CHRNA3: variants seen among roughly 807,000 people sequenced by gnomAD.
CHRNA3 encodes cholinergic receptor nicotinic alpha 3 subunit.
Under a neutral mutation model 41.9 loss-of-function variants are expected in CHRNA3, and 34 were observed. The observed-to-expected ratio is 0.81, with a 90% CI of 0.62 to 1.08. The LOEUF (loss-of-function observed/expected upper bound fraction) is 1.08, where lower values mean the gene tolerates loss of function less well. Ranked by LOEUF, CHRNA3 falls within the 50% of genes least tolerant of loss-of-function variation. The pLI is 0.00. For missense variants in CHRNA3, 542 were observed against 638.3 expected, an observed-to-expected ratio of 0.85 and a Z score of 1.63; for synonymous variants, 281 against 265.2, an observed-to-expected ratio of 1.06 and a Z score of -0.58.
intron 4 of CHRNA3, among the ~76,000 whole-genome samples, chr15:78,615,563 A>T (rs2053448542): frequency 6.6e-6 from 1 of 152,178 alleles, no homozygotes. Context: ...CACAGCCCCC[A>T]GGACAGCTTT....
intron 1 of CHRNA3, chr15:78,620,378 A>AGGGCGACGGGCAGCGCGGGGCT: frequency 6.1e-6 from 2 of 329,930 alleles, no homozygotes; most frequent in Non-Finnish European, 5.4e-6. Context: ...TGCGCGGGGC[A>AGGGCGACGGGCAGCGCGGGGCT]GGGCGACGGG....
At chr15:78,618,745 A>G (rs930183225) in intron 2 of CHRNA3, 31 bp downstream of exon 2, 13 of 1,614,166 alleles carry the variant, frequency 8.1e-6, no homozygotes, top group Admixed American at 1.7e-5. Flanking sequence ...CCCGGTCCCC[A>G]TGGCCACGGC....
In CHRNA3 at chr15:78,603,336, AAT is replaced by A. The variant is rs2053234763; in HGVS notation, c.378-1074_378-1073del. 5.3e-5 allele frequency among the ~76,000 whole-genome samples: 8 copies of A among 152,282 alleles called. No homozygotes were observed. In the South Asian group the frequency reaches 1.7e-3, roughly 32 times the overall value. ...CCTTAGACATGTACGTTTTTCTAGGAATAGTCTTGTTGGTTTGTTCGACAGAA... is the reference window on the plus strand; with the variant it reads ...CCTTAGACATGTACGTTTTTCTAGGAAGTCTTGTTGGTTTGTTCGACAGAA... On this transcript the variant is annotated intron_variant, in intron 4 of 5. Coordinates refer to ENST00000326828, the MANE Select transcript of CHRNA3 (RefSeq NM_000743.5).
intron 4 of CHRNA3, among the ~76,000 whole-genome samples, chr15:78,613,530 T>G (rs1596081581): frequency 8.3e-6 from 1 of 120,644 alleles, no homozygotes; most frequent in Non-Finnish European, 1.6e-5. Flanking sequence ...TGAGAACACA[T>G]GGACACAGGA....
intron 4 of CHRNA3, among the ~76,000 whole-genome samples, chr15:78,605,662 TGAG>T (rs2053272969): frequency 1.3e-5 from 2 of 152,168 alleles, no homozygotes; most frequent in South Asian, 2.1e-4. Flanking sequence ...CGTGGGCTCT[TGAG>T]GATGTCAGAA....
Position 78,617,080 on chromosome 15 carries a change from C to T in CHRNA3, c.321G>A (p.Glu107=). 1 of 1,613,960 alleles carries T rather than the reference C, an allele frequency of 6.2e-7. No individual in the cohort carries two copies. The highest frequency in any genetic ancestry group is 8.5e-7 in the Non-Finnish European group (1 of 1,179,944). The stretch of plus-strand genomic sequence containing the variant: ...TCTTCTGTGCAGGGACACGCATGAA[C>T]TCTGCCCCACCATAGTCAGAGGGGT... ...KWNPSDYGGA[E]FMRVPAQKIW... is the part of the protein sequence containing the mutation. Residue 107 remains glutamate, a synonymous_variant, in exon 4 of 6, where the codon GAG becomes GAA. Coordinates refer to ENST00000326828, the MANE Select transcript of CHRNA3 (RefSeq NM_000743.5).
chr15:78,618,092 C>G (rs2053492033), intron 3 of CHRNA3, among the ~76,000 whole-genome samples: 2 of 152,140 alleles, frequency 1.3e-5, no homozygotes, highest in Non-Finnish European at 2.9e-5. Flanking sequence ...ATAACAAATC[C>G]AAAAATTAGC....
chr15:78,618,889 G>A lies in CHRNA3; in HGVS notation c.109C>T (p.Arg37Cys), dbSNP rs78945897. 5 of 1,613,736 alleles carry A rather than the reference G, an allele frequency of 3.1e-6. No individual in the cohort carries two copies. Among genetic ancestry groups the A allele is most frequent in the Non-Finnish European group, 3.4e-6 (4 of 1,179,994 alleles). The change falls in exon 2 of 6, where the codon CGT becomes TGT. Residue 37 changes from arginine to cysteine, a missense_variant. Physicochemically the swap from Arg to Cys is radical, Grantham distance 180. Coordinates refer to ENST00000326828, the MANE Select transcript of CHRNA3 (RefSeq NM_000743.5). ...PVARASEAEH[R>C]LFERLFEDYN... ...TCTTCAAACAGCCGCTCAAATAGAC[G>A]GTGCTCAGCCTCTGAGGCCCTGGCC...
At position 78,601,360 on chromosome 15, in the gene CHRNA3, CAG is replaced by C; in HGVS notation, c.1280_1281del (p.Ser427CysfsTer2). ...GCAGAGAGGGACAGCACAGCATCAA[CAG>C]ATTCAGAACTAGAGCTTCTCGTGAG... ...ANLTRSSSSE[S>X]VDAVLSLSAL... On this transcript the variant is annotated frameshift_variant, in exon 5 of 6. Coordinates refer to ENST00000326828, the MANE Select transcript of CHRNA3 (RefSeq NM_000743.5). LOFTEE classifies it high-confidence loss of function. 1 of 1,614,206 alleles carries C rather than the reference CAG, an allele frequency of 6.2e-7. No homozygotes were observed. The highest frequency in any genetic ancestry group is 1.3e-5 in the African/African-American group (1 of 75,050).
intron 4 of CHRNA3, among the ~76,000 whole-genome samples, chr15:78,605,117 A>AT (rs2053263454): frequency 6.6e-6 from 1 of 152,174 alleles, no homozygotes; most frequent in South Asian, 2.1e-4. Context: ...TTAAAAAAAG[A>AT]AAAGGTAGTA....
Position 78,596,098 on chromosome 15 carries a change from T to C in CHRNA3, c.*506A>G. On this transcript the variant is annotated 3_prime_UTR_variant, in exon 6 of 6. Transcript: ENST00000326828. Reference sequence around the variant, plus strand: ...TATGCAAGAGAAGTAGTTGAAGCTCTCTGAAATGGAGGCATAGCCCTTTAG... The same window carrying C: ...TATGCAAGAGAAGTAGTTGAAGCTCCCTGAAATGGAGGCATAGCCCTTTAG... 1 of 985,352 alleles carries C rather than the reference T, an allele frequency of 1.0e-6. No individual in the cohort carries two copies. The highest frequency in any genetic ancestry group is 1.2e-6 in the Non-Finnish European group (1 of 829,858). 61.0% of individuals were successfully genotyped at this position (985,352 alleles called of 1,614,324 possible).
Position 78,601,293 on chromosome 15 carries a change from T to C in CHRNA3, c.1349A>G (p.Tyr450Cys), listed in dbSNP as rs1482017941. The C allele has an allele frequency of 4.3e-6, 7 of 1,614,218 alleles. No homozygotes were observed. In the Admixed American group the frequency reaches 6.7e-5, roughly 15 times the overall value. ...EIKEAIQSVK[Y>C]IAENMKAQNE... ...TTGTGCTTTCATATTTTCAGCAATA[T>C]ACTTGACACTTTGGATGGCTTCTTT... is the stretch of plus-strand genomic sequence containing the variant. Residue 450 changes from tyrosine to cysteine, a missense_variant, in exon 5 of 6, where the codon TAT becomes TGT. Physicochemically the swap from Tyr to Cys is radical, Grantham distance 194. Transcript: ENST00000326828.
Position 78,601,662 on chromosome 15 carries a change from T to C in CHRNA3, c.980A>G (p.Asn327Ser). The change falls in exon 5 of 6, where the codon AAC (asparagine) becomes AGC (serine). Residue 327 changes from asparagine (N) to serine (S), a missense_variant. Asn to Ser is a conservative substitution (Grantham distance 46, BLOSUM62 1). Transcript: ENST00000326828. ...LSIVITVFVL[N>S]VHYRTPTTHT... The stretch of plus-strand genomic sequence containing the variant: ...TGTCGTCGGGGTTCTGTAGTGCACG[T>C]TGAGCACGAAGACGGTGATGACGAT... 1.2e-6 allele frequency: 2 copies of C among 1,614,094 alleles called. No homozygotes were observed. Among genetic ancestry groups the C allele is most frequent in the Admixed American group, 3.3e-5 (2 of 60,004 alleles).
intron 5 of CHRNA3, among the ~76,000 whole-genome samples, chr15:78,597,672 C>T (rs1450130410): frequency 6.6e-6 from 1 of 151,920 alleles, no homozygotes; most frequent in Non-Finnish European, 1.5e-5. Flanking sequence ...AAAGCAAGAC[C>T]AATTGTATAT....
At chr15:78,597,811 G>T (rs2053136863) in intron 5 of CHRNA3, among the ~76,000 whole-genome samples, 1 of 152,184 alleles carries the variant, frequency 6.6e-6, no homozygotes, top group Admixed American at 6.5e-5. Context: ...AAGCAATAAT[G>T]AAATTAATAA....
chr15:78,601,948 T>C lies in CHRNA3; in HGVS notation c.694A>G (p.Thr232Ala). Reference sequence around the variant, plus strand: ...AGGCGCCGGATGTACAGCGAGTATGTGATGTCGGGGTAGATCTCCTCGCAG... The same window carrying C: ...AGGCGCCGGATGTACAGCGAGTATGCGATGTCGGGGTAGATCTCCTCGCAG... ...NCCEEIYPDI[T>A]YSLYIRRLPL... Residue 232 changes from threonine (T) to alanine (A), a missense_variant, in exon 5 of 6, where the codon ACA becomes GCA. Transcript: ENST00000326828. 6.2e-7 allele frequency: 1 copy of C among 1,613,520 alleles called. No individual in the cohort carries two copies. Among genetic ancestry groups the C allele is most frequent in the Non-Finnish European group, 8.5e-7 (1 of 1,179,604 alleles).
chr15:78,598,580 G>A (rs996516787), intron 5 of CHRNA3, among the ~76,000 whole-genome samples: 5 of 152,016 alleles, frequency 3.3e-5, no homozygotes, highest in African/African-American at 7.2e-5. Flanking sequence ...TTTTTGAGAC[G>A]CCCAGGCTGG....
rs1464554391 is a variant in CHRNA3, at chr15:78,596,528, G to A, written c.*76C>T. The A allele has an allele frequency of 1.5e-6, 2 of 1,364,806 alleles. No individual in the cohort carries two copies. The highest frequency in any genetic ancestry group is 2.9e-5 in the Admixed American group (1 of 35,060). 84.5% of individuals were successfully genotyped at this position (1,364,806 alleles called of 1,614,324 possible). On this transcript the variant is annotated 3_prime_UTR_variant, in exon 6 of 6. Coordinates refer to ENST00000326828, the MANE Select transcript of CHRNA3 (RefSeq NM_000743.5). ...AAAGCTGGTAGCTTGATAACAGAAA[G>A]TACGTTCTTACTAGGAAGCAGCCTC...
At position 78,601,790 on chromosome 15, in the gene CHRNA3, C is replaced by G. The variant is rs374074533; in HGVS notation, c.852G>C (p.Thr284=). 11 of 1,614,092 alleles carry G rather than the reference C, an allele frequency of 6.8e-6. No individual in the cohort carries two copies. Among genetic ancestry groups the G allele is most frequent in the African/African-American group, 2.7e-5 (2 of 75,022 alleles). Residue 284 remains threonine, a synonymous_variant, in exon 5 of 6, where the codon ACG becomes ACC. Coordinates refer to ENST00000326828, the MANE Select transcript of CHRNA3 (RefSeq NM_000743.5). ...TLCISVLLSL[T]VFLLVITETI... ...TCTCAGTGATCACCAGGAGAAACAC[C>G]GTCAGGGAGAGGAGGACAGAAATGC...
Sources: allele counts gnomAD v4.1 joint callset (sites outside exome capture counted in the v4.1 genomes callset), GRCh38; gene constraint gnomAD v4.1.1; transcripts MANE v1.5; gene names NCBI Gene and HGNC (gene_info 2026-07-23, HGNC 2026-07-21).